Variants in SOX5 observed in about 807,000 individuals in gnomAD.
SOX5 encodes the protein transcription factor SOX-5.
Under a neutral mutation model 92.0 loss-of-function variants are expected in SOX5, and 9 were observed. The observed-to-expected ratio is 0.10, with a 90% CI of 0.06 to 0.17. SOX5 has a LOEUF of 0.17. Among genes scored for constraint, SOX5 ranks in the 10% least tolerant of loss-of-function variants. The pLI is 1.00. For synonymous variants in SOX5, 344 were observed against 336.3 expected, an observed-to-expected ratio of 1.02 and a Z score of -0.25; for missense variants, 642 against 944.5, an observed-to-expected ratio of 0.68 and a Z score of 4.20.
chr12:24,540,928 C>A (rs1210752475), intron 1 of SOX5, among the ~76,000 whole-genome samples: 1 of 152,118 alleles, frequency 6.6e-6, no homozygotes, highest in African/African-American at 2.4e-5. Context: ...GTGAAACTAA[C>A]CATAAGTTGC....
intron 4 of SOX5, among the ~76,000 whole-genome samples, chr12:24,159,043 G>T (rs1277209566): frequency 6.6e-6 from 1 of 151,846 alleles, no homozygotes; most frequent in Non-Finnish European, 1.5e-5. Flanking sequence ...CATTAATTTG[G>T]AGTGATATGA....
At chr12:24,170,265 G>A (rs948103661) in intron 4 of SOX5, among the ~76,000 whole-genome samples, 2 of 152,170 alleles carry the variant, frequency 1.3e-5, no homozygotes, top group East Asian at 1.9e-4. Flanking sequence ...GGGAACTTGC[G>A]CCACATCTGC....
At chr12:24,361,135 T>C (rs749748450) in intron 2 of SOX5, among the ~76,000 whole-genome samples, 30 of 152,140 alleles carry the variant, frequency 2.0e-4, no homozygotes, top group African/African-American at 7.0e-4. Flanking sequence ...CCATGCAGTT[T>C]TGACTGGCTC....
intron 1 of SOX5, among the ~76,000 whole-genome samples, chr12:24,472,483 C>T (rs1370465930): frequency 6.6e-6 from 1 of 152,188 alleles, no homozygotes; most frequent in Admixed American, 6.5e-5. Context: ...AAAGATAAAA[C>T]TGTGGACTGG....
chr12:24,153,198 C>T (rs1951833553), intron 4 of SOX5, among the ~76,000 whole-genome samples: 1 of 152,080 alleles, frequency 6.6e-6, no homozygotes, highest in Non-Finnish European at 1.5e-5. Flanking sequence ...TACAATTTGC[C>T]CTTCAGTTCA....
chr12:23,885,237 T>G (rs558757850), intron 2 of SOX5, among the ~76,000 whole-genome samples: 11 of 152,330 alleles, frequency 7.2e-5, no homozygotes, highest in African/African-American at 1.9e-4. Flanking sequence ...ATGCTAAAAT[T>G]AATGTAACTT....
intron 3 of SOX5, among the ~76,000 whole-genome samples, chr12:23,838,351 C>T (rs546976044): frequency 2.0e-5 from 3 of 151,314 alleles, no homozygotes; most frequent in East Asian, 3.9e-4. Context: ...CTCCTTGATG[C>T]ATCTCTCCCA....
intron 4 of SOX5, among the ~76,000 whole-genome samples, chr12:24,047,851 TA>T (rs1289436191): frequency 2.6e-5 from 4 of 152,226 alleles, no homozygotes; most frequent in Non-Finnish European, 5.9e-5. Context: ...ATTAATTTAC[TA>T]AAAGTCACAG....
chr12:23,989,893 G>A (rs1469003363), intron 4 of SOX5, among the ~76,000 whole-genome samples: 4 of 152,124 alleles, frequency 2.6e-5, no homozygotes, highest in Admixed American at 2.0e-4. Context: ...GACTAAGACA[G>A]CATATTAAAA....
Position 24,393,166 on chromosome 12 carries a change from G to A in SOX5, c.-250-24527C>T, listed in dbSNP as rs981918463. On this transcript the variant is annotated intron_variant, in intron 1 of 4. Coordinates refer to the SOX5 transcript ENST00000446891. This position sits in a 1 kb window ranked among gnomAD's most constrained non-coding sequence, Gnocchi z 5.0. ...AAAAAATACAGCAAAATTAGAAGCT[G>A]GCAAAAAAACAAACCCACTGCCTGG... 7.9e-6 allele frequency among the ~76,000 whole-genome samples: 1 copy of A among 126,264 alleles called. No individual in the cohort carries two copies. The highest frequency in any genetic ancestry group is 8.0e-5 in the Admixed American group (1 of 12,542). 82.8% of individuals were successfully genotyped at this position (126,264 alleles called of 152,430 possible).
chr12:23,657,560 C>T (rs758690138), intron 7 of SOX5, among the ~76,000 whole-genome samples: 4 of 151,950 alleles, frequency 2.6e-5, no homozygotes, highest in Admixed American at 6.6e-5. Flanking sequence ...TGGAGATTTC[C>T]GTTGTATTGT....
At chr12:24,124,694 C>A (rs747993733) in intron 4 of SOX5, among the ~76,000 whole-genome samples, 3 of 152,160 alleles carry the variant, frequency 2.0e-5, no homozygotes, top group Non-Finnish European at 4.4e-5. Context: ...AAGCTACATT[C>A]ACCACTGGTC....
chr12:23,626,682 T>C (rs2077848339), intron 8 of SOX5, among the ~76,000 whole-genome samples: 1 of 150,538 alleles, frequency 6.6e-6, no homozygotes, highest in Admixed American at 6.6e-5. Context: ...TTTTTTTTTT[T>C]TTTTTTTTAT....
chr12:24,519,138 A>T (rs1383394892), intron 1 of SOX5, among the ~76,000 whole-genome samples: 1 of 152,132 alleles, frequency 6.6e-6, no homozygotes, highest in Non-Finnish European at 1.5e-5. Context: ...CTCTCATTAA[A>T]TCATTGTACA....
chr12:24,119,573 T>C, intron 4 of SOX5, among the ~76,000 whole-genome samples: 1 of 152,156 alleles, frequency 6.6e-6, no homozygotes, highest in East Asian at 1.9e-4. Context: ...ACCCTAATTT[T>C]ATACTAAAAT....
At chr12:23,926,818 A>G (rs1439098912) in intron 1 of SOX5, among the ~76,000 whole-genome samples, 1 of 152,084 alleles carries the variant, frequency 6.6e-6, no homozygotes, top group Admixed American at 6.5e-5. Context: ...GCCTTTGAGA[A>G]GCACAATTCT....
chr12:24,379,061 C>T lies in SOX5; in HGVS notation c.-250-10422G>A, dbSNP rs567557424. ...GCTCTTACCCATTGGAACACGGCTC[C>T]ACAATCAAAAGTTTAAATTTTGCTC... On this transcript the variant is annotated intron_variant, in intron 1 of 4. Transcript: ENST00000446891. Among the ~76,000 whole-genome samples the T allele has an allele frequency of 3.4e-4, 52 of 152,322 alleles. 1 individual carries two copies. In the South Asian group the frequency reaches 0.011, roughly 31 times the overall value.
At chr12:23,812,748 A>C (rs1381751004) in intron 3 of SOX5, among the ~76,000 whole-genome samples, 5 of 152,186 alleles carry the variant, frequency 3.3e-5, no homozygotes, top group Non-Finnish European at 5.9e-5. Context: ...AATCCCACTG[A>C]CTGATGAAGA....
At chr12:24,099,324 G>A (rs1945798505) in intron 4 of SOX5, among the ~76,000 whole-genome samples, 1 of 152,144 alleles carries the variant, frequency 6.6e-6, no homozygotes. Context: ...CATGCAGGAA[G>A]ATTATTATTG....
Sources: gnomAD v4.1 joint callset for allele counts (sites outside exome capture counted in the v4.1 genomes callset) on GRCh38, gnomAD v4.1.1 for gene constraint, Gnocchi (gnomAD v3.1) non-coding constraint, MANE v1.5 for transcripts, NCBI Gene and HGNC (gene_info 2026-07-23, HGNC 2026-07-21) for gene names.